The following SLC25A26 variants were observed in gnomAD, a reference collection of about 807,000 sequenced individuals.
SLC25A26 encodes mitochondrial S-adenosylmethionine carrier protein.
SLC25A26 carries 36 observed loss-of-function variants against 37.8 expected under a neutral mutation model. The observed-to-expected ratio is 0.95, with a 90% CI of 0.73 to 1.26. SLC25A26 has a LOEUF of 1.26. Among genes scored for constraint, SLC25A26 ranks in the 50% most tolerant of loss-of-function variants. The pLI, the probability that SLC25A26 is intolerant of heterozygous loss-of-function variation, is 0.00. For missense variants in SLC25A26, 390 were observed against 331.1 expected (o/e 1.18, Z -1.38); for synonymous variants, 129 against 122.5 (o/e 1.05, Z -0.35).
intron 5 of SLC25A26, among the ~76,000 whole-genome samples, chr3:66,303,710 G>GT (rs2075138076): frequency 6.6e-6 from 1 of 152,148 alleles, no homozygotes; most frequent in Non-Finnish European, 1.5e-5. Context: ...GTGGTTTAAG[G>GT]TGACATATAT....
intron 5 of SLC25A26, among the ~76,000 whole-genome samples, chr3:66,286,194 T>C (rs2107478957): frequency 6.6e-6 from 1 of 152,332 alleles, no homozygotes; most frequent in African/African-American, 2.4e-5. Context: ...GTTAAAGTTT[T>C]AAATTTTGGT....
chr3:66,352,429 TTTTTTGTTTTTTG>T (rs2076476615), intron 6 of SLC25A26, among the ~76,000 whole-genome samples: 3 of 126,314 alleles, frequency 2.4e-5, no homozygotes, highest in African/African-American at 1.1e-4. Flanking sequence ...TCGTTTTTTG[TTTTTTGTTTTTTG>T]TTTTTTTTTT....
At chr3:66,373,008 C>T (rs918739016) in intron 9 of SLC25A26, among the ~76,000 whole-genome samples, 2 of 152,220 alleles carry the variant, frequency 1.3e-5, no homozygotes. Flanking sequence ...CAGGTGAAGA[C>T]CTTGTTCTGG....
chr3:66,324,656 G>A (rs2075789192), intron 5 of SLC25A26, among the ~76,000 whole-genome samples: 1 of 152,180 alleles, frequency 6.6e-6, no homozygotes, highest in Admixed American at 6.5e-5. Flanking sequence ...TCCTCCCAAA[G>A]TTAGTTTGGC....
chr3:66,268,137 A>G (rs1467063206), intron 5 of SLC25A26, among the ~76,000 whole-genome samples: 2 of 152,244 alleles, frequency 1.3e-5, no homozygotes, highest in East Asian at 1.9e-4. Context: ...ATGATTGCAT[A>G]GTAGTCCATT....
chr3:66,355,254 T>C (rs190405770), intron 6 of SLC25A26, among the ~76,000 whole-genome samples: 154 of 152,238 alleles, frequency 1.0e-3, no homozygotes, highest in African/African-American at 3.5e-3. Flanking sequence ...GATTTTCTTA[T>C]AAATTCTTAA....
intron 1 of SLC25A26, among the ~76,000 whole-genome samples, chr3:66,209,782 T>C (rs1286454192): frequency 1.5e-5 from 2 of 132,636 alleles, no homozygotes; most frequent in Non-Finnish European, 3.2e-5. Context: ...TATAAAGGTA[T>C]ATATATATAT....
At position 66,272,883 on chromosome 3, in the gene SLC25A26, G is replaced by T. The variant is rs1367952865; in HGVS notation, c.453+9504G>T. On this transcript the variant is annotated intron_variant, in intron 5 of 9. Transcript: ENST00000354883. Reference sequence around the variant, plus strand: ...GCTGTCTTGTGCCAGTTTTCAAAGGGAGTGCTTCCAGTTTTTGCCCATTCA... The same window carrying T: ...GCTGTCTTGTGCCAGTTTTCAAAGGTAGTGCTTCCAGTTTTTGCCCATTCA... 3.9e-5 allele frequency among the ~76,000 whole-genome samples: 6 copies of T among 152,128 alleles called. No individual in the cohort carries two copies. In the East Asian group the frequency reaches 1.2e-3, roughly 29 times the overall value.
chr3:66,318,719 C>G (rs955911061), intron 5 of SLC25A26, among the ~76,000 whole-genome samples: 1 of 151,928 alleles, frequency 6.6e-6, no homozygotes, highest in African/African-American at 2.4e-5. Context: ...CTGGAGTGCA[C>G]TGTCTCATCA....
At chr3:66,312,428 G>T (rs1490626980) in intron 5 of SLC25A26, among the ~76,000 whole-genome samples, 1 of 152,066 alleles carries the variant, frequency 6.6e-6, no homozygotes, top group African/African-American at 2.4e-5. Flanking sequence ...CTCTGTGGGG[G>T]TGGAGCCTAC....
At chr3:66,371,180 G>A in intron 9 of SLC25A26, 1 of 1,470,568 alleles carries the variant, frequency 6.8e-7, no homozygotes, top group Non-Finnish European at 9.1e-7. Context: ...ACAGGCATGT[G>A]AAATGATGAT....
chr3:66,139,502 T>C (rs1435169053), intron 1 of SLC25A26, among the ~76,000 whole-genome samples: 2 of 152,216 alleles, frequency 1.3e-5, no homozygotes, highest in Non-Finnish European at 2.9e-5. Flanking sequence ...TTTCTTTTAA[T>C]AGCATCATCT....
intron 1 of SLC25A26, among the ~76,000 whole-genome samples, chr3:66,232,348 A>G (rs1278289323): frequency 2.0e-5 from 3 of 152,082 alleles, no homozygotes; most frequent in Admixed American, 1.3e-4. Flanking sequence ...GTCTTTTGCT[A>G]TTTTTGAAAA....
At chr3:66,243,054 T>TG in intron 2 of SLC25A26, 149 bp from the exon 3 acceptor site, 1 of 516,496 alleles carries the variant, frequency 1.9e-6, no homozygotes, top group African/African-American at 1.9e-5. Context: ...TCTGAAAGAG[T>TG]GGGGGTAGGA....
chr3:66,152,084 C>T lies in SLC25A26; in HGVS notation c.-354+18100C>T, dbSNP rs2070217192. On this transcript the variant is annotated intron_variant, in intron 1 of 10. Transcript: ENST00000676754. ...TTTGCTTATCATTGTCTCCCTATCA[C>T]CTAGCCCAGTGCTTGAGAGATCCGT... is the stretch of plus-strand genomic sequence containing the variant. Among the ~76,000 whole-genome samples, 5 of 152,120 alleles carry T rather than the reference C, an allele frequency of 3.3e-5. 1 individual carries two copies. In the South Asian group the frequency reaches 1.0e-3, roughly 31 times the overall value.
intron 1 of SLC25A26, among the ~76,000 whole-genome samples, chr3:66,204,442 A>AAAG (rs1553655334): frequency 9.2e-5 from 12 of 130,530 alleles, no homozygotes; most frequent in Middle Eastern, 3.8e-3. Context: ...AAAAAAAAGA[A>AAAG]AAAAAGAAAA....
chr3:66,313,234 T>C (rs2075434442), intron 5 of SLC25A26, among the ~76,000 whole-genome samples: 1 of 152,198 alleles, frequency 6.6e-6, no homozygotes, highest in Non-Finnish European at 1.5e-5. Context: ...TGCCTAGATT[T>C]TCTTCTAGAG....
intron 5 of SLC25A26, among the ~76,000 whole-genome samples, chr3:66,333,462 G>C (rs996773043): frequency 3.3e-5 from 5 of 152,124 alleles, no homozygotes; most frequent in Non-Finnish European, 7.4e-5. Context: ...CATGTTTTTA[G>C]ATGTGGGAAA....
chr3:66,158,991 A>C (rs1477618517), intron 1 of SLC25A26, among the ~76,000 whole-genome samples: 2 of 152,168 alleles, frequency 1.3e-5, no homozygotes, highest in East Asian at 1.9e-4. Context: ...GGACATCAGC[A>C]CATCAGGGAC....
Sources: gnomAD v4.1 joint callset for allele counts (sites outside exome capture counted in the v4.1 genomes callset) on GRCh38, gnomAD v4.1.1 for gene constraint, MANE v1.5 for transcripts, NCBI Gene and HGNC (gene_info 2026-07-23, HGNC 2026-07-21) for gene names.